The following ADGRV1 variants were observed in gnomAD, a reference collection of about 807,000 sequenced individuals.
ADGRV1 encodes the protein G-protein coupled receptor 98.
ADGRV1 carries 359 observed loss-of-function variants against 596.2 expected under a neutral mutation model. The observed-to-expected ratio is 0.60, with a 90% CI of 0.55 to 0.66. The LOEUF (loss-of-function observed/expected upper bound fraction) is 0.66, where lower values mean the gene tolerates loss of function less well. ADGRV1 is among the 30% of genes least tolerant of loss of function. The probability of loss-of-function intolerance (pLI) is 0.00; values close to 1 mark genes in which losing one functional copy is unlikely to be tolerated. For missense variants in ADGRV1, 7,274 were observed against 7,575.6 expected, an observed-to-expected ratio of 0.96 and a Z score of 1.48; for synonymous variants, 2,681 against 2,679.2, an observed-to-expected ratio of 1.00 and a Z score of -0.02.
At chr5:90,878,763 G>A (rs1769459774) in intron 83 of ADGRV1, among the ~76,000 whole-genome samples, 1 of 152,158 alleles carries the variant, frequency 6.6e-6, no homozygotes, top group Non-Finnish European at 1.5e-5. Flanking sequence ...GATATGAAAG[G>A]AGGGCAAATC....
intron 81 of ADGRV1, among the ~76,000 whole-genome samples, chr5:90,855,232 C>A (rs1432742848): frequency 6.6e-6 from 1 of 151,882 alleles, no homozygotes; most frequent in African/African-American, 2.4e-5. Context: ...CTTTTAAGAA[C>A]CTTAGAAAAC....
At chr5:91,139,885 C>A (rs953548207) in intron 87 of ADGRV1, among the ~76,000 whole-genome samples, 3 of 152,200 alleles carry the variant, frequency 2.0e-5, no homozygotes, top group African/African-American at 7.2e-5. Context: ...ACCTCATTCT[C>A]TGGGAACAAA....
At chr5:90,767,725 A>G (rs1040640225) in intron 59 of ADGRV1, among the ~76,000 whole-genome samples, 3 of 150,798 alleles carry the variant, frequency 2.0e-5, no homozygotes, top group African/African-American at 7.3e-5. Flanking sequence ...CTTCAACATG[A>G]GATAGCACAG....
intron 78 of ADGRV1, among the ~76,000 whole-genome samples, chr5:90,844,034 A>AT (rs1765654266): frequency 6.6e-6 from 1 of 152,166 alleles, no homozygotes; most frequent in South Asian, 2.1e-4. Flanking sequence ...CCACAAATAC[A>AT]TTTTTTAGTA....
intron 83 of ADGRV1, among the ~76,000 whole-genome samples, chr5:90,892,291 C>G (rs1212853758): frequency 6.6e-6 from 1 of 151,910 alleles, no homozygotes; most frequent in East Asian, 1.9e-4. Flanking sequence ...CTTTCTGATT[C>G]AAATTGTCCA....
At chr5:90,971,678 C>T (rs549238998) in intron 84 of ADGRV1, among the ~76,000 whole-genome samples, 1 of 152,274 alleles carries the variant, frequency 6.6e-6, no homozygotes, top group African/African-American at 2.4e-5. Context: ...ACGAGGCCTG[C>T]CCTACAAGGG....
chr5:90,802,569 A>G (rs961662002), intron 70 of ADGRV1, among the ~76,000 whole-genome samples, 170 bp from the exon 71 acceptor site: 1 of 151,978 alleles, frequency 6.6e-6, no homozygotes, highest in African/African-American at 2.4e-5. Context: ...TCCACTCCTT[A>G]TCTCACACCC....
chr5:91,061,079 ACCAGC>A (rs1423040899), intron 85 of ADGRV1, among the ~76,000 whole-genome samples: 1 of 152,190 alleles, frequency 6.6e-6, no homozygotes, highest in Admixed American at 6.5e-5. Flanking sequence ...TCATTAGGTA[ACCAGC>A]CTTTTCTTTC....
chr5:90,653,072 G>A, intron 19 of ADGRV1, 137 bp from the exon 20 acceptor site: 1 of 766,212 alleles, frequency 1.3e-6, no homozygotes, highest in Non-Finnish European at 2.1e-6. Flanking sequence ...AAAGCCACAT[G>A]GTGACACTAC....
intron 85 of ADGRV1, among the ~76,000 whole-genome samples, chr5:91,016,337 A>G (rs1340567215): frequency 3.3e-5 from 5 of 151,968 alleles, no homozygotes; most frequent in Non-Finnish European, 7.4e-5. Context: ...TTGTTCTTAC[A>G]CACTCTAGCC....
chr5:90,786,543 G>A (rs1028455532), intron 67 of ADGRV1, among the ~76,000 whole-genome samples: 1 of 152,180 alleles, frequency 6.6e-6, no homozygotes, highest in African/African-American at 2.4e-5. Context: ...TGGTGGGGCA[G>A]CATAGGAGCA....
chr5:91,014,205 A>G (rs1256289020), intron 85 of ADGRV1, among the ~76,000 whole-genome samples: 2 of 104,186 alleles, frequency 1.9e-5, no homozygotes, highest in African/African-American at 3.9e-5. Flanking sequence ...CAGGGAGGTG[A>G]AAGAACTCCC....
chr5:91,070,251 T>TAA (rs1295731972), intron 85 of ADGRV1, among the ~76,000 whole-genome samples: 3 of 152,288 alleles, frequency 2.0e-5, no homozygotes, highest in African/African-American at 4.8e-5. Context: ...TCCCAGAACC[T>TAA]AAAATAAAGG....
intron 77 of ADGRV1, among the ~76,000 whole-genome samples, chr5:90,830,713 C>A (rs1764451780): frequency 6.6e-6 from 1 of 152,088 alleles, no homozygotes; most frequent in Non-Finnish European, 1.5e-5. Flanking sequence ...CCAGTTTTCC[C>A]TACTGAAATG....
chr5:90,588,029 A>G (rs1053740479), intron 1 of ADGRV1, among the ~76,000 whole-genome samples: 1 of 152,214 alleles, frequency 6.6e-6, no homozygotes, highest in Non-Finnish European at 1.5e-5. Context: ...ATGAAATATA[A>G]GCTTTCTTTA....
At chr5:90,641,932 C>A (rs1367786311) in intron 11 of ADGRV1, among the ~76,000 whole-genome samples, 1 of 152,082 alleles carries the variant, frequency 6.6e-6, no homozygotes, top group African/African-American at 2.4e-5. Context: ...TTAATATGTT[C>A]TTTTGGAGAT....
In ADGRV1 at chr5:90,619,150, A is replaced by G; in HGVS notation, c.422A>G (p.Asp141Gly). 1.3e-6 allele frequency: 2 copies of G among 1,489,920 alleles called. No homozygotes were observed. The highest frequency in any genetic ancestry group is 1.5e-5 in the South Asian group (1 of 67,722). 92.3% of individuals were successfully genotyped at this position (1,489,920 alleles called of 1,614,324 possible). ...RTVTVTILSN[D>G]NAFGIISFNM... ...GTTACTGTGACAATATTATCAAATG[A>G]CAATGCATTTGGAATTATTTCATTT... Residue 141 changes from aspartate (D) to glycine (G), a missense_variant, in exon 4 of 90, where the codon GAC becomes GGC. Around this residue, in one of 5 missense-constraint regions of ADGRV1, gnomAD observed 1,715 missense variants for 1,708.8 expected, o/e 1.00. Coordinates refer to ENST00000405460, the MANE Select transcript of ADGRV1 (RefSeq NM_032119.4).
At chr5:90,573,712 G>A (rs7729763) in intron 1 of ADGRV1, among the ~76,000 whole-genome samples, 13,427 of 152,178 alleles carry the variant, frequency 0.088, 1,851 homozygotes, top group African/African-American at 0.3. Context: ...ACAAATTATT[G>A]AAGTTTTAAA....
At chr5:90,766,090 T>TAA (rs1757101147) in intron 59 of ADGRV1, among the ~76,000 whole-genome samples, 1 of 152,036 alleles carries the variant, frequency 6.6e-6, no homozygotes, top group Non-Finnish European at 1.5e-5. Context: ...TTTGTATTTT[T>TAA]TAGTGAGACA....
Sources: gnomAD v4.1 joint callset for allele counts (sites outside exome capture counted in the v4.1 genomes callset) on GRCh38, gnomAD v4.1.1 for gene constraint, gnomAD v4.1.1 regional missense constraint, MANE v1.5 for transcripts, NCBI Gene and HGNC (gene_info 2026-07-23, HGNC 2026-07-21) for gene names.